SUMF1: variants seen among roughly 807,000 people sequenced by gnomAD.
The protein encoded by SUMF1 is formylglycine-generating enzyme.
In SUMF1, 48 loss-of-function variants were observed where a neutral mutation model predicts 47.6. That is an observed-to-expected ratio of 1.01 (90% confidence interval 0.80 to 1.28). SUMF1 has a LOEUF of 1.28. Among genes scored for constraint, SUMF1 ranks in the 50% most tolerant of loss-of-function variants. The pLI, the probability that SUMF1 is intolerant of heterozygous loss-of-function variation, is 0.00. For synonymous variants in SUMF1, 230 were observed against 192.1 expected (o/e 1.20, Z -1.63); for missense variants, 571 against 485.4 (o/e 1.18, Z -1.66).
chr3:4,311,744 C>A lies in SUMF1; in HGVS notation c.1014+64586G>T, dbSNP rs529557533. ...ACCTGTTTGTTCTATTTCCCTTTCA[C>A]CTTACTCTCCTTACTTGTTCATTTA... On this transcript the variant is annotated intron_variant and NMD_transcript_variant, in intron 8 of 12. Transcript: ENST00000448413. Among the ~76,000 whole-genome samples, 3 of 152,296 alleles carry A rather than the reference C, an allele frequency of 2.0e-5. No homozygotes were observed. The South Asian group carries it at 6.2e-4, about 32-fold the overall frequency.
chr3:4,142,400 C>T (rs1009263629), intron 8 of SUMF1, among the ~76,000 whole-genome samples: 5 of 152,290 alleles, frequency 3.3e-5, no homozygotes, highest in African/African-American at 1.2e-4. Context: ...CTCACCTACA[C>T]TGAAGTCTTA....
At chr3:4,319,744 T>TTGAAGCAAC (rs1698782868) in intron 8 of SUMF1, among the ~76,000 whole-genome samples, 1 of 152,196 alleles carries the variant, frequency 6.6e-6, no homozygotes, top group African/African-American at 2.4e-5. Context: ...TGGTTAAAAC[T>TTGAAGCAAC]TGAAGCAACA....
At chr3:4,380,901 GC>G (rs1334961773) in intron 7 of SUMF1, among the ~76,000 whole-genome samples, 2 of 152,174 alleles carry the variant, frequency 1.3e-5, no homozygotes, top group Non-Finnish European at 1.5e-5. Context: ...ACCTGGGAGG[GC>G]ATGTAAGTCT....
At chr3:4,407,178 A>AAGCACAC (rs1701403763) in intron 7 of SUMF1, among the ~76,000 whole-genome samples, 1 of 152,142 alleles carries the variant, frequency 6.6e-6, no homozygotes, top group South Asian at 2.1e-4. Context: ...GATGTGTACA[A>AAGCACAC]AGCACACATG....
intron 8 of SUMF1, among the ~76,000 whole-genome samples, chr3:4,331,324 T>G (rs1467368193): frequency 6.6e-6 from 1 of 152,220 alleles, no homozygotes; most frequent in African/African-American, 2.4e-5. Context: ...AAACATGTCC[T>G]ACTTCCCTTA....
intron 6 of SUMF1, among the ~76,000 whole-genome samples, chr3:4,412,950 T>C (rs17040652): frequency 0.021 from 3,250 of 152,200 alleles, 48 homozygotes; most frequent in African/African-American, 0.04. Context: ...TCCAGACTTA[T>C]AGAGCACAGG....
chr3:4,383,686 C>G (rs890298588), intron 7 of SUMF1, among the ~76,000 whole-genome samples: 39 of 152,152 alleles, frequency 2.6e-4, no homozygotes, highest in Non-Finnish European at 1.8e-4. Context: ...GTCTCCTAAG[C>G]TCAGGATTCT....
chr3:4,187,421 G>T (rs1223164414), intron 8 of SUMF1, among the ~76,000 whole-genome samples: 3 of 152,064 alleles, frequency 2.0e-5, no homozygotes, highest in African/African-American at 4.8e-5. Context: ...TTGAATTCTT[G>T]TTCAAACATT....
intron 8 of SUMF1, among the ~76,000 whole-genome samples, chr3:4,165,860 T>TA: frequency 3.0e-5 from 1 of 33,120 alleles, no homozygotes; most frequent in South Asian, 2.1e-3. Context: ...GATTTGTTTG[T>TA]TTCCCCCCCC....
intron 8 of SUMF1, among the ~76,000 whole-genome samples, chr3:4,176,504 C>G (rs1286885919): frequency 6.6e-6 from 1 of 152,088 alleles, no homozygotes; most frequent in Non-Finnish European, 1.5e-5. Context: ...ATTTTGTCAC[C>G]ACCAGGCCTG....
chr3:4,103,827 A>C (rs376885116), intron 8 of SUMF1, among the ~76,000 whole-genome samples: 7 of 152,266 alleles, frequency 4.6e-5, no homozygotes, highest in Non-Finnish European at 7.3e-5. Flanking sequence ...ACACAACTGG[A>C]AACAGCTGAT....
chr3:4,319,240 C>T (rs1415660100), intron 8 of SUMF1, among the ~76,000 whole-genome samples: 3 of 152,196 alleles, frequency 2.0e-5, no homozygotes, highest in African/African-American at 7.2e-5. Context: ...ATTGATCCAG[C>T]AATCATGCTC....
chr3:4,246,348 C>T (rs749800761), intron 8 of SUMF1, among the ~76,000 whole-genome samples: 5 of 152,148 alleles, frequency 3.3e-5, no homozygotes, highest in African/African-American at 9.7e-5. Flanking sequence ...GTGTCAATCT[C>T]GCTGGGAGCC....
intron 8 of SUMF1, among the ~76,000 whole-genome samples, chr3:4,176,376 C>G (rs548214290): frequency 6.6e-6 from 1 of 152,102 alleles, no homozygotes; most frequent in Non-Finnish European, 1.5e-5. Context: ...AGAGTGGGGG[C>G]CAATATTCAA....
intron 8 of SUMF1, among the ~76,000 whole-genome samples, chr3:4,160,869 C>T (rs1449761674): frequency 1.3e-5 from 2 of 152,144 alleles, no homozygotes; most frequent in East Asian, 3.9e-4. Context: ...TCCTACATGG[C>T]CTTGATGCTT....
intron 2 of SUMF1, among the ~76,000 whole-genome samples, chr3:4,451,100 ATAAAATAAAT>A (rs899714561): frequency 6.6e-6 from 1 of 152,162 alleles, no homozygotes; most frequent in African/African-American, 2.4e-5. Context: ...AAAAAATAAA[ATAAAATAAAT>A]AGTATTATGA....
At chr3:4,054,744 T>C (rs1198137301) in intron 9 of SUMF1, among the ~76,000 whole-genome samples, 1 of 152,122 alleles carries the variant, frequency 6.6e-6, no homozygotes, top group Non-Finnish European at 1.5e-5. Flanking sequence ...AACTGATAAA[T>C]AAACAACTAC....
chr3:4,144,259 A>T (rs764882175), intron 8 of SUMF1, among the ~76,000 whole-genome samples: 12 of 151,990 alleles, frequency 7.9e-5, no homozygotes, highest in Non-Finnish European at 1.6e-4. Context: ...GAGCCATAGC[A>T]CTCGGCCCAC....
chr3:4,297,364 T>G (rs11925549), intron 8 of SUMF1, among the ~76,000 whole-genome samples: 7,106 of 152,142 alleles, frequency 0.047, 583 homozygotes, highest in African/African-American at 0.16. Flanking sequence ...GAGGATCCAG[T>G]GCCTGTACTA....
Sources: gnomAD v4.1 joint callset for allele counts (sites outside exome capture counted in the v4.1 genomes callset) on GRCh38, gnomAD v4.1.1 for gene constraint, MANE v1.5 for transcripts, NCBI Gene and HGNC (gene_info 2026-07-23, HGNC 2026-07-21) for gene names.